The following LCORL variants were observed in gnomAD, a reference collection of about 807,000 sequenced individuals.
The protein encoded by LCORL is ligand dependent nuclear receptor corepressor like.
In LCORL, 41 loss-of-function variants were observed where a neutral mutation model predicts 141.8. The observed-to-expected ratio is 0.29, with a 90% CI of 0.23 to 0.38. The LOEUF is 0.38. LCORL is among the 10% of genes least tolerant of loss of function. LCORL has a pLI of 1.00. For synonymous variants in LCORL, 618 were observed against 694.1 expected, an observed-to-expected ratio of 0.89 and a Z score of 1.72; for missense variants, 1,759 against 2,035.0, an observed-to-expected ratio of 0.86 and a Z score of 2.61.
chr4:17,880,970 C>T (rs546068645), intron 6 of LCORL: 11 of 982,936 alleles, frequency 1.1e-5, no homozygotes, highest in East Asian at 2.3e-4. Context: ...TAAATTACTG[C>T]GACATTGGAA....
chr4:17,956,537 A>G (rs1029387252), intron 4 of LCORL, among the ~76,000 whole-genome samples: 1 of 152,118 alleles, frequency 6.6e-6, no homozygotes, highest in African/African-American at 2.4e-5. Context: ...TGTTAAATGA[A>G]AAAAGCCAGG....
chr4:17,926,402 T>C (rs1184372295), intron 4 of LCORL, among the ~76,000 whole-genome samples: 1 of 152,234 alleles, frequency 6.6e-6, no homozygotes, highest in Non-Finnish European at 1.5e-5. Context: ...TCTTCTCGCC[T>C]TCCTCTTTCT....
intron 1 of LCORL, among the ~76,000 whole-genome samples, chr4:18,001,604 A>C (rs1721969599): frequency 6.6e-6 from 1 of 152,228 alleles, no homozygotes; most frequent in Non-Finnish European, 1.5e-5. Context: ...TTGCAGAGAA[A>C]GGTTCAGTAT....
At chr4:17,924,735 C>A (rs1329967887) in intron 4 of LCORL, among the ~76,000 whole-genome samples, 1 of 152,154 alleles carries the variant, frequency 6.6e-6, no homozygotes, top group East Asian at 1.9e-4. Flanking sequence ...AAGCAGTGGG[C>A]TCATGCTCAT....
At chr4:17,867,650 C>A (rs150960327) in intron 7 of LCORL, among the ~76,000 whole-genome samples, 2 of 152,264 alleles carry the variant, frequency 1.3e-5, no homozygotes, top group South Asian at 2.1e-4. Context: ...TCCTTGAGTT[C>A]CTTTGTGACT....
intron 5 of LCORL, 150 bp downstream of exon 5, chr4:17,908,944 A>T: frequency 1.6e-6 from 1 of 639,970 alleles, no homozygotes; most frequent in Non-Finnish European, 2.4e-6. Flanking sequence ...AGCTGTAAAT[A>T]GGTACTTCTC....
chr4:18,010,467 T>G (rs1156394956), intron 1 of LCORL, among the ~76,000 whole-genome samples: 1 of 152,070 alleles, frequency 6.6e-6, no homozygotes, highest in Non-Finnish European at 1.5e-5. Flanking sequence ...TATATATATT[T>G]GAGATGGAGT....
At chr4:17,876,812 A>C (rs1726970915) in exon 7 of LCORL, 2 of 1,230,600 alleles carry the variant, frequency 1.6e-6, no homozygotes, top group Middle Eastern at 3.1e-4. Context: ...TCATTTTCTC[A>C]GGGGAAGTTG....
At chr4:17,940,146 GTATATATGTA>G (rs1269488043) in intron 4 of LCORL, among the ~76,000 whole-genome samples, 5 of 136,638 alleles carry the variant, frequency 3.7e-5, no homozygotes, top group Non-Finnish European at 3.1e-5. Flanking sequence ...GTATATATAT[GTATATATGTA>G]TATATATGTA....
intron 1 of LCORL, among the ~76,000 whole-genome samples, chr4:18,018,869 C>T (rs1344705027): frequency 6.6e-6 from 1 of 152,048 alleles, no homozygotes; most frequent in Non-Finnish European, 1.5e-5. Flanking sequence ...TATATATATA[C>T]TGAATATACA....
At chr4:18,008,231 C>T (rs1577720073) in intron 1 of LCORL, among the ~76,000 whole-genome samples, 1 of 152,128 alleles carries the variant, frequency 6.6e-6, no homozygotes, top group South Asian at 2.1e-4. Flanking sequence ...ATGTTCTCAT[C>T]ATCAGTTGTA....
chr4:17,979,144 G>A (rs1051934055), intron 1 of LCORL, among the ~76,000 whole-genome samples: 11 of 152,164 alleles, frequency 7.2e-5, no homozygotes, highest in South Asian at 2.1e-4. Flanking sequence ...GAGAACATGC[G>A]GTGTTTGGTT....
At chr4:17,899,748 A>G (rs796249816) in intron 5 of LCORL, among the ~76,000 whole-genome samples, 2 of 152,304 alleles carry the variant, frequency 1.3e-5, no homozygotes, top group African/African-American at 4.8e-5. Context: ...AAAGAAAAAA[A>G]CAAGAATTGA....
At chr4:17,890,926 A>T (rs2109247712) in intron 5 of LCORL, among the ~76,000 whole-genome samples, 1 of 152,238 alleles carries the variant, frequency 6.6e-6, no homozygotes, top group South Asian at 2.1e-4. Flanking sequence ...TTCAAAAAGG[A>T]CAACTGGAAC....
chr4:17,957,054 G>C (rs2109573238), intron 4 of LCORL, among the ~76,000 whole-genome samples: 1 of 151,992 alleles, frequency 6.6e-6, no homozygotes. Context: ...GGCTAGAGTA[G>C]AATAAAGGAA....
chr4:17,843,196 A>T, exon 8 of LCORL: 1 of 1,228,406 alleles, frequency 8.1e-7, no homozygotes. Flanking sequence ...TCAGGCTATC[A>T]ATTAAACACT....
At chr4:17,904,192 T>C (rs138547334) in intron 5 of LCORL, among the ~76,000 whole-genome samples, 2 of 152,164 alleles carry the variant, frequency 1.3e-5, no homozygotes, top group African/African-American at 4.8e-5. Flanking sequence ...GAATCCTATA[T>C]AGGGAAGGAG....
At chr4:17,881,796 G>A (rs1193601043) in intron 6 of LCORL, 6 of 981,578 alleles carry the variant, frequency 6.1e-6, no homozygotes, top group East Asian at 1.1e-4. Context: ...TCTGTATAAA[G>A]AGGTCAATAA....
chr4:17,850,905 T>G (rs1386817448), intron 7 of LCORL, among the ~76,000 whole-genome samples: 1 of 150,526 alleles, frequency 6.6e-6, no homozygotes, highest in Non-Finnish European at 1.5e-5. Context: ...TAGACTGGAT[T>G]AAGAAAATGT....
Sources: allele counts gnomAD v4.1 joint callset (sites outside exome capture counted in the v4.1 genomes callset), GRCh38; gene constraint gnomAD v4.1.1; transcripts MANE v1.5; gene names NCBI Gene and HGNC (gene_info 2026-07-23, HGNC 2026-07-21).